The following RIT2 variants were observed in gnomAD, a reference collection of about 807,000 sequenced individuals.
RIT2 encodes GTP-binding protein Rit2.
Under a neutral mutation model 23.7 loss-of-function variants are expected in RIT2, and 24 were observed. That is an observed-to-expected ratio of 1.01 (90% CI 0.73 to 1.43). The LOEUF (loss-of-function observed/expected upper bound fraction) is 1.43. Among genes scored for constraint, RIT2 ranks in the 40% most tolerant of loss-of-function variants. RIT2 has a pLI of 0.00. For missense variants in RIT2, 236 were observed against 266.9 expected (o/e 0.88, Z 0.81); for synonymous variants, 107 against 91.1 (o/e 1.17, Z -0.99).
chr18:42,961,980 T>C (rs1910103820), intron 3 of RIT2, among the ~76,000 whole-genome samples: 1 of 152,196 alleles, frequency 6.6e-6, no homozygotes, highest in Non-Finnish European at 1.5e-5. Flanking sequence ...GCATCTCACC[T>C]GTCTCACCTA....
At chr18:43,008,020 T>C (rs1911265501) in intron 2 of RIT2, among the ~76,000 whole-genome samples, 2 of 151,548 alleles carry the variant, frequency 1.3e-5, no homozygotes, top group African/African-American at 2.4e-5. Context: ...CAACCAGATA[T>C]TGTGTGTCTT....
At chr18:42,907,906 A>G (rs1017507207) in intron 4 of RIT2, among the ~76,000 whole-genome samples, 5 of 152,066 alleles carry the variant, frequency 3.3e-5, no homozygotes, top group African/African-American at 9.6e-5. Context: ...GCTTGAGCCC[A>G]AGATATAGAG....
At chr18:42,907,784 C>G (rs1242869059) in intron 4 of RIT2, among the ~76,000 whole-genome samples, 1 of 151,956 alleles carries the variant, frequency 6.6e-6, no homozygotes, top group Non-Finnish European at 1.5e-5. Context: ...GGTTCCAGAC[C>G]AGCCTGGGTA....
chr18:42,840,707 G>C (rs1413784771), intron 4 of RIT2, among the ~76,000 whole-genome samples: 3 of 152,126 alleles, frequency 2.0e-5, no homozygotes, highest in Non-Finnish European at 4.4e-5. Context: ...CTCCGTGTTG[G>C]TCAGGCTGGT....
chr18:42,759,712 T>TAC (rs59733922), intron 4 of RIT2, among the ~76,000 whole-genome samples: 2,666 of 131,600 alleles, frequency 0.02, 89 homozygotes, highest in African/African-American at 0.07. Flanking sequence ...GTGTTAAATC[T>TAC]ACACACACAC....
chr18:42,755,612 G>A (rs1392293150), intron 4 of RIT2, among the ~76,000 whole-genome samples: 1 of 152,116 alleles, frequency 6.6e-6, no homozygotes, highest in African/African-American at 2.4e-5. Flanking sequence ...TCACCCATCA[G>A]TATAAAGTAA....
intron 1 of RIT2, among the ~76,000 whole-genome samples, chr18:43,090,299 T>C (rs1913390241): frequency 6.6e-6 from 1 of 152,090 alleles, no homozygotes; most frequent in Non-Finnish European, 1.5e-5. Flanking sequence ...ATTAGAGAAA[T>C]GCAAATCAAA....
chr18:42,851,027 G>T (rs1907040998), intron 4 of RIT2, among the ~76,000 whole-genome samples: 1 of 152,156 alleles, frequency 6.6e-6, no homozygotes, highest in African/African-American at 2.4e-5. Context: ...CATAAGAGGT[G>T]CTCATGAGTG....
intron 4 of RIT2, among the ~76,000 whole-genome samples, chr18:42,769,763 T>C (rs572716015): frequency 9.2e-5 from 14 of 151,434 alleles, no homozygotes; most frequent in South Asian, 2.1e-4. Flanking sequence ...GGATATTGAA[T>C]GATTTCTGAA....
chr18:42,809,708 A>G (rs1033516279), intron 4 of RIT2, among the ~76,000 whole-genome samples: 4 of 151,230 alleles, frequency 2.6e-5, no homozygotes, highest in African/African-American at 7.3e-5. Context: ...TCTATTACAT[A>G]TTTCAAGATA....
chr18:42,961,593 A>G (rs1910094688), intron 3 of RIT2, among the ~76,000 whole-genome samples: 1 of 152,208 alleles, frequency 6.6e-6, no homozygotes, highest in African/African-American at 2.4e-5. Context: ...GACCAAGTCA[A>G]GAAAACAGCT....
chr18:43,096,749 A>T (rs1486250944), intron 1 of RIT2, among the ~76,000 whole-genome samples: 1 of 151,862 alleles, frequency 6.6e-6, no homozygotes, highest in Admixed American at 6.6e-5. Flanking sequence ...CAACCTTTCT[A>T]GGTTATTTTT....
Position 42,743,700 on chromosome 18 carries a change from C to T in RIT2, c.447G>A (p.Leu149=), listed in dbSNP as rs775199995. 6.2e-7 allele frequency: 1 copy of T among 1,612,774 alleles called. No homozygotes were observed. The highest frequency in any genetic ancestry group is 8.5e-7 in the Non-Finnish European group (1 of 1,179,338). Residue 149 remains leucine (L), a synonymous_variant, in exon 5 of 5, where the codon TTG becomes TTA. Transcript: ENST00000326695. ...CACAATTATATTCTTGGGCAAGACT[C>T]AAGCCTTCTTCTGTAGAAACCTAAG... ...QFRQVSTEEG[L]SLAQEYNCGF...
chr18:43,058,742 A>G (rs904425996), intron 1 of RIT2, among the ~76,000 whole-genome samples: 1 of 151,972 alleles, frequency 6.6e-6, no homozygotes, highest in African/African-American at 2.4e-5. Flanking sequence ...TGCAAAAATT[A>G]CCCAGGCATG....
intron 4 of RIT2, among the ~76,000 whole-genome samples, chr18:42,861,493 A>G (rs1437623251): frequency 6.6e-6 from 1 of 152,042 alleles, no homozygotes; most frequent in Non-Finnish European, 1.5e-5. Context: ...AGACTCTCTA[A>G]TCCACATCTC....
At chr18:42,904,104 C>T (rs950661131) in intron 4 of RIT2, among the ~76,000 whole-genome samples, 8 of 151,910 alleles carry the variant, frequency 5.3e-5, no homozygotes, top group African/African-American at 1.9e-4. Flanking sequence ...CAGGCACATA[C>T]AAGAATTTCT....
At chr18:42,958,201 C>A (rs771736667) in intron 3 of RIT2, among the ~76,000 whole-genome samples, 4 of 152,154 alleles carry the variant, frequency 2.6e-5, no homozygotes, top group Admixed American at 2.0e-4. Context: ...GGAAAGTTTA[C>A]AAATTTGCTA....
At chr18:43,072,941 T>G (rs897543057) in intron 1 of RIT2, among the ~76,000 whole-genome samples, 1 of 152,326 alleles carries the variant, frequency 6.6e-6, no homozygotes, top group East Asian at 1.9e-4. Context: ...TCAAGCTGCC[T>G]TACACACTCT....
intron 2 of RIT2, among the ~76,000 whole-genome samples, chr18:43,005,545 G>A (rs1911207746): frequency 6.6e-6 from 1 of 151,746 alleles, no homozygotes; most frequent in Non-Finnish European, 1.5e-5. Context: ...CTGCTGGGCA[G>A]TGACAGCATT....
Sources: gnomAD v4.1 joint callset for allele counts (sites outside exome capture counted in the v4.1 genomes callset) on GRCh38, gnomAD v4.1.1 for gene constraint, MANE v1.5 for transcripts, NCBI Gene and HGNC (gene_info 2026-07-23, HGNC 2026-07-21) for gene names.